The following ANO1 variants were observed in gnomAD, a reference collection of about 807,000 sequenced individuals.
The protein encoded by ANO1 is anoctamin-1.
Under a neutral mutation model 124.0 loss-of-function variants are expected in ANO1, and 59 were observed. The ratio of observed to expected loss-of-function variants is 0.48; its 90% CI spans 0.39 to 0.59. The LOEUF is 0.59. Among genes scored for constraint, ANO1 ranks in the 20% least tolerant of loss-of-function variants. The pLI is 0.00. For synonymous variants in ANO1, 529 were observed against 532.0 expected (o/e 0.99, Z 0.08); for missense variants, 1,059 against 1,328.0 (o/e 0.80, Z 3.15).
intron 1 of ANO1, among the ~76,000 whole-genome samples, chr11:70,062,063 C>CTTTTTT (rs1857593075): frequency 3.9e-5 from 3 of 76,712 alleles, no homozygotes; most frequent in East Asian, 3.9e-4. Context: ...CTCTTTCCTT[C>CTTTTTT]TTTCTTTTTT....
At chr11:70,175,978 T>C (rs1405284196) in intron 22 of ANO1, among the ~76,000 whole-genome samples, 3 of 152,160 alleles carry the variant, frequency 2.0e-5, no homozygotes, top group Non-Finnish European at 4.4e-5. Context: ...CCATGGCCCA[T>C]GACACAGCCC....
intron 1 of ANO1, among the ~76,000 whole-genome samples, chr11:70,016,949 C>T (rs1565161567): frequency 6.6e-6 from 1 of 152,262 alleles, no homozygotes. Context: ...TGTCACTGTG[C>T]TTCGTACTAG....
chr11:70,084,669 C>T (rs2044306053), intron 1 of ANO1, among the ~76,000 whole-genome samples: 1 of 152,214 alleles, frequency 6.6e-6, no homozygotes, highest in Admixed American at 6.5e-5. Flanking sequence ...CTGGCCTCAC[C>T]TGCTGCCCCA....
Position 70,149,766 on chromosome 11 carries a change from G to A in ANO1, c.1315G>A (p.Asp439Asn), listed in dbSNP as rs1292245698. ...RKQMRLNYRW[D>N]LTGFEEEEEA... ...ACAGATGCGACTCAACTACCGCTGG[G>A]ACCTCACGGGCTTTGAAGAGGAAGA... The change falls in exon 12 of 26, where the codon GAC (aspartate) becomes AAC (asparagine). Residue 439 changes from aspartate to asparagine, a missense_variant. Around this residue, in one of 2 missense-constraint regions of ANO1, gnomAD observed 809 missense variants for 1,094.9 expected, o/e 0.74. Transcript: ENST00000355303. The A allele has an allele frequency of 6.2e-7, 1 of 1,613,822 alleles. No homozygotes were observed. Among genetic ancestry groups the A allele is most frequent in the Admixed American group, 1.7e-5 (1 of 60,000 alleles).
chr11:70,023,574 C>A (rs1555002861), intron 1 of ANO1, among the ~76,000 whole-genome samples: 3 of 152,226 alleles, frequency 2.0e-5, no homozygotes, highest in African/African-American at 7.2e-5. Flanking sequence ...GGTCTAGTCG[C>A]TGCCAACATC....
chr11:70,078,093 G>A (rs2044087244), upstream of ANO1, among the ~76,000 whole-genome samples: 1 of 152,154 alleles, frequency 6.6e-6, no homozygotes, highest in South Asian at 2.1e-4. Context: ...TATTTCAGGT[G>A]GGGCTATTGA....
intron 1 of ANO1, among the ~76,000 whole-genome samples, chr11:70,084,490 C>A (rs184563214): frequency 6.6e-6 from 1 of 152,320 alleles, no homozygotes. Flanking sequence ...AGACCATCAT[C>A]CCCTCAGTGA....
chr11:69,988,909 G>GGGAATGAGGAAGGAA (rs1278044201), intron 1 of ANO1, among the ~76,000 whole-genome samples: 2 of 151,574 alleles, frequency 1.3e-5, no homozygotes, highest in Non-Finnish European at 2.9e-5. Flanking sequence ...GAAGGAGGGA[G>GGGAATGAGGAAGGAA]GGAATGAGGA....
chr11:70,002,480 C>CCAAAAAA (rs1449818532), intron 1 of ANO1, among the ~76,000 whole-genome samples: 2 of 80,884 alleles, frequency 2.5e-5, no homozygotes, highest in East Asian at 1.9e-3. Context: ...AAAAAAAACA[C>CCAAAAAA]CAAAAAAACA....
chr11:70,042,987 T>C (rs1555005229), intron 1 of ANO1, among the ~76,000 whole-genome samples: 1 of 151,940 alleles, frequency 6.6e-6, no homozygotes, highest in African/African-American at 2.4e-5. Flanking sequence ...AGCAAAGAAG[T>C]GAGAGAATAT....
intron 1 of ANO1, among the ~76,000 whole-genome samples, chr11:69,993,974 C>T (rs1237709340): frequency 2.0e-5 from 3 of 152,032 alleles, no homozygotes; most frequent in African/African-American, 7.3e-5. Flanking sequence ...TGGGCACTCA[C>T]GCATCTGCCC....
At chr11:70,029,505 A>T (rs1856964890) in intron 1 of ANO1, among the ~76,000 whole-genome samples, 2 of 152,104 alleles carry the variant, frequency 1.3e-5, no homozygotes, top group Admixed American at 1.3e-4. Flanking sequence ...CCCCCAGATG[A>T]CCTCAATCCT....
chr11:70,035,727 A>G (rs987151016), intron 1 of ANO1, among the ~76,000 whole-genome samples: 16 of 151,784 alleles, frequency 1.1e-4, no homozygotes, highest in African/African-American at 3.6e-4. Context: ...GTGAGTGCCC[A>G]TGTGTTCTCA....
At chr11:70,039,048 G>A (rs1555004765) in intron 1 of ANO1, among the ~76,000 whole-genome samples, 1 of 152,166 alleles carries the variant, frequency 6.6e-6, no homozygotes, top group African/African-American at 2.4e-5. Flanking sequence ...CCTTAAAAAA[G>A]CCATTAAGGA....
chr11:69,997,452 G>T (rs1265142344), intron 1 of ANO1, among the ~76,000 whole-genome samples: 2 of 152,186 alleles, frequency 1.3e-5, no homozygotes, highest in Admixed American at 1.3e-4. Context: ...GCTCTGAGAG[G>T]CCAGACCTAC....
At chr11:69,982,849 G>C (rs1043297656), upstream of ANO1, among the ~76,000 whole-genome samples, 1 of 152,194 alleles carries the variant, frequency 6.6e-6, no homozygotes, top group African/African-American at 2.4e-5. Context: ...AAAGAGCCAA[G>C]CCGAACTGAA....
At chr11:70,115,162 C>G (rs891166957) in intron 7 of ANO1, among the ~76,000 whole-genome samples, 1 of 152,096 alleles carries the variant, frequency 6.6e-6, no homozygotes, top group Admixed American at 6.6e-5. Context: ...GTCTTCGTTC[C>G]AAGACCACCT....
chr11:70,110,748 G>T (rs1015060043), intron 6 of ANO1, among the ~76,000 whole-genome samples: 4 of 152,184 alleles, frequency 2.6e-5, no homozygotes, highest in African/African-American at 7.2e-5. Context: ...CAAGCAGGGG[G>T]TTCCATGAGC....
At chr11:70,098,634 G>A (rs2045118911) in intron 2 of ANO1, among the ~76,000 whole-genome samples, 1 of 152,194 alleles carries the variant, frequency 6.6e-6, no homozygotes, top group South Asian at 2.1e-4. Context: ...GAAGCCAAGG[G>A]CAACCCGAAA....
Sources: gnomAD v4.1 joint callset for allele counts (sites outside exome capture counted in the v4.1 genomes callset) on GRCh38, gnomAD v4.1.1 for gene constraint, gnomAD v4.1.1 regional missense constraint, MANE v1.5 for transcripts, NCBI Gene and HGNC (gene_info 2026-07-23, HGNC 2026-07-21) for gene names.